The following WIPI2 variants were observed in gnomAD, a reference collection of about 807,000 sequenced individuals.
WIPI2 encodes the protein WD repeat domain phosphoinositide-interacting protein 2.
Under a neutral mutation model 52.3 loss-of-function variants are expected in WIPI2, and 28 were observed. That is an observed-to-expected ratio of 0.54 (90% CI 0.40 to 0.73). WIPI2 has a LOEUF of 0.73. Ranked by LOEUF, WIPI2 falls within the 30% of genes least tolerant of loss-of-function variation. The pLI, the probability that WIPI2 is intolerant of heterozygous loss-of-function variation, is 0.00. For missense variants in WIPI2, 506 were observed against 602.9 expected (o/e 0.84, Z 1.68); for synonymous variants, 268 against 245.0 (o/e 1.09, Z -0.88).
At chr7:5,209,013 A>ATTTTTTTTTTTT (rs55697377) in intron 3 of WIPI2, among the ~76,000 whole-genome samples, 2 of 92,902 alleles carry the variant, frequency 2.2e-5, no homozygotes, top group Non-Finnish European at 4.2e-5. Flanking sequence ...ATATTCTGTG[A>ATTTTTTTTTTTT]TTTTTTTTTT....
chr7:5,204,914 C>G (rs968871453), intron 3 of WIPI2, among the ~76,000 whole-genome samples: 1 of 152,152 alleles, frequency 6.6e-6, no homozygotes, highest in African/African-American at 2.4e-5. Flanking sequence ...GGGCTCAGGC[C>G]ATCTTCCTGC....
intron 8 of WIPI2, among the ~76,000 whole-genome samples, chr7:5,223,373 A>G (rs1273669831): frequency 6.6e-6 from 1 of 152,178 alleles, no homozygotes; most frequent in Non-Finnish European, 1.5e-5. Flanking sequence ...GGCTGTTGAA[A>G]GAGGAGGGGC....
chr7:5,212,524 C>G (rs1314995024), intron 3 of WIPI2, among the ~76,000 whole-genome samples: 1 of 152,142 alleles, frequency 6.6e-6, no homozygotes, highest in Non-Finnish European at 1.5e-5. Context: ...TCAGTCCTAC[C>G]CTCCTTTTTG....
rs1160864563 is a variant in WIPI2 at position 5,230,116 on chromosome 7, A to G, written c.1252+378A>G. ...AGAAAATGTCATCCTGGCTCAGGTG[A>G]CTCTGGGGTCACGTGACTTGGGCCC... On this transcript the variant is annotated intron_variant, in intron 12 of 12. Transcript: ENST00000288828. This position sits in a 1 kb window ranked among gnomAD's most constrained non-coding sequence, Gnocchi z 4.8. Among the ~76,000 whole-genome samples the G allele has an allele frequency of 6.6e-6, 1 of 151,790 alleles. No individual in the cohort carries two copies. Among genetic ancestry groups the G allele is most frequent in the Non-Finnish European group, 1.5e-5 (1 of 67,932 alleles).
At position 5,230,246 on chromosome 7, in the gene WIPI2, C is replaced by G. The variant is rs547832679; in HGVS notation, c.1252+508C>G. ...TTTTCGTCCTTCAGCAAATCTGCAT[C>G]GAGTACTGCCTTCATGCTGGGCCTG... On this transcript the variant is annotated intron_variant, in intron 12 of 12. Transcript: ENST00000288828. The surrounding 1 kb of genome is among the most constrained non-coding windows in gnomAD (Gnocchi z 4.8). 6.6e-6 allele frequency among the ~76,000 whole-genome samples: 1 copy of G among 152,162 alleles called. No individual in the cohort carries two copies. Among genetic ancestry groups the G allele is most frequent in the Non-Finnish European group, 1.5e-5 (1 of 68,028 alleles).
chr7:5,206,291 G>T (rs991820028), intron 3 of WIPI2, among the ~76,000 whole-genome samples: 19 of 152,112 alleles, frequency 1.2e-4, no homozygotes, highest in African/African-American at 4.6e-4. Context: ...ATGTAGAGGG[G>T]CTTACTCTGA....
At chr7:5,202,976 G>A (rs1782104878) in intron 3 of WIPI2, among the ~76,000 whole-genome samples, 1 of 152,166 alleles carries the variant, frequency 6.6e-6, no homozygotes, top group Admixed American at 6.6e-5. Flanking sequence ...ACTGGATTCT[G>A]AGCTAGGAAA....
chr7:5,218,138 A>C (rs1437460997), intron 7 of WIPI2, 124 bp downstream of exon 7: 6 of 1,003,312 alleles, frequency 6.0e-6, no homozygotes, highest in Non-Finnish European at 7.6e-6. Context: ...AAGCAAAGAC[A>C]GCCACCCACT....
chr7:5,205,612 C>T (rs967226747), intron 3 of WIPI2, among the ~76,000 whole-genome samples: 2 of 152,162 alleles, frequency 1.3e-5, no homozygotes, highest in South Asian at 2.1e-4. Context: ...TCAAGTGATT[C>T]TCCTGCCTTA....
rs541051080 is a variant in WIPI2 at position 5,193,104 on chromosome 7, G to GT, written c.75-7dup. The GT allele has an allele frequency of 2.5e-4, 410 of 1,611,410 alleles. 1 individual carries two copies. The African/African-American group carries it at 4.8e-3, about 19-fold the overall frequency. On this transcript the variant is annotated splice_polypyrimidine_tract_variant and intron_variant, in intron 1 of 12. Transcript: ENST00000288828. ...TACCATTTGTTTTTTGTTTTGTTTTGTTTTTTTACCTAGAGAAGTGAAAGG... is the reference window on the plus strand; with the variant it reads ...TACCATTTGTTTTTTGTTTTGTTTTGTTTTTTTTACCTAGAGAAGTGAAAGG...
chr7:5,214,253 C>G (rs1583569832), intron 3 of WIPI2: 1 of 1,375,836 alleles, frequency 7.3e-7, no homozygotes, highest in Non-Finnish European at 9.5e-7. Context: ...CCTAAACTCA[C>G]CATTCAAATC....
At position 5,232,419 on chromosome 7, in the gene WIPI2, G is replaced by A. The variant is rs1019432498; in HGVS notation, c.*1472G>A. 14 of 397,840 alleles carry A rather than the reference G, an allele frequency of 3.5e-5. No individual in the cohort carries two copies. Among genetic ancestry groups the A allele is most frequent in the South Asian group, 1.4e-4 (1 of 7,258 alleles). The allele number at this position is 397,840 out of a possible 1,614,324, so 24.6% of individuals were successfully genotyped here. A position where few individuals can be genotyped will look rare whatever the true frequency, so the allele number is the denominator to read the frequency against. Reference sequence around the variant, plus strand: ...CGCTGGAGTCCGACTCACCTACACCGGCTTCCTCCCAGCCGCTGGTGTGCG... The same window carrying A: ...CGCTGGAGTCCGACTCACCTACACCAGCTTCCTCCCAGCCGCTGGTGTGCG... On this transcript the variant is annotated 3_prime_UTR_variant, in exon 13 of 13. Transcript: ENST00000288828.
At chr7:5,208,060 C>G (rs1004539689) in intron 3 of WIPI2, among the ~76,000 whole-genome samples, 5 of 152,176 alleles carry the variant, frequency 3.3e-5, no homozygotes, top group Non-Finnish European at 7.4e-5. Flanking sequence ...GCCACCACAC[C>G]CAGCCTCCTC....
intron 2 of WIPI2, chr7:5,193,471 AG>A: frequency 1.7e-6 from 1 of 602,388 alleles, no homozygotes; most frequent in Non-Finnish European, 2.5e-6. Context: ...AGACAACAGG[AG>A]AAACCTGTTG....
intron 2 of WIPI2, among the ~76,000 whole-genome samples, chr7:5,199,045 TATCTCG>T (rs1294854681): frequency 6.6e-6 from 1 of 152,124 alleles, no homozygotes; most frequent in Non-Finnish European, 1.5e-5. Flanking sequence ...CTTGAGACAG[TATCTCG>T]CTCCGTCTCC....
Position 5,216,586 on chromosome 7 carries a change from G to T in WIPI2, c.405G>T (p.Glu135Asp), listed in dbSNP as rs748514499. 1 of 1,614,192 alleles carries T rather than the reference G, an allele frequency of 6.2e-7. No homozygotes were observed. The highest frequency in any genetic ancestry group is 8.5e-7 in the Non-Finnish European group (1 of 1,180,028). ...AGAGGCTGATAGTATGCCTGGAGGA[G>T]TCCCTGTACATCCACAACATTCGGG... ...NRQRLIVCLE[E>D]SLYIHNIRDM... The change falls in exon 5 of 13, where the codon GAG (glutamate) becomes GAT (aspartate). Residue 135 changes from glutamate to aspartate, a missense_variant. Physicochemically the swap from Glu to Asp is conservative, Grantham distance 45. Coordinates refer to ENST00000288828, the MANE Select transcript of WIPI2 (RefSeq NM_015610.4).
chr7:5,191,964 GT>G (rs1409025634), intron 1 of WIPI2, among the ~76,000 whole-genome samples: 2 of 152,152 alleles, frequency 1.3e-5, no homozygotes. Flanking sequence ...GCTGGTCTGG[GT>G]TTTGGAATTG....
intron 3 of WIPI2, among the ~76,000 whole-genome samples, chr7:5,206,660 A>G (rs1782309319): frequency 6.6e-6 from 1 of 152,246 alleles, no homozygotes; most frequent in African/African-American, 2.4e-5. Context: ...TGAAAAGTGG[A>G]AAGTATTTTA....
chr7:5,194,827 A>G (rs1424293192), intron 2 of WIPI2, among the ~76,000 whole-genome samples: 2 of 152,180 alleles, frequency 1.3e-5, no homozygotes, highest in African/African-American at 4.8e-5. Flanking sequence ...AGGAGATATT[A>G]GCCAGTTTGG....
Sources: allele counts gnomAD v4.1 joint callset (sites outside exome capture counted in the v4.1 genomes callset), GRCh38; gene constraint gnomAD v4.1.1; non-coding constraint Gnocchi (gnomAD v3.1); transcripts MANE v1.5; gene names NCBI Gene and HGNC (gene_info 2026-07-23, HGNC 2026-07-21).